Variants in KDM3A observed in about 807,000 individuals in gnomAD.
KDM3A encodes lysine-specific demethylase 3A.
A neutral mutation model predicts 158.0 loss-of-function variants in KDM3A; 60 were observed. The observed-to-expected ratio is 0.38, with a 90% CI of 0.31 to 0.47. KDM3A has a LOEUF of 0.47. Among genes scored for constraint, KDM3A ranks in the 20% least tolerant of loss-of-function variants. The probability of loss-of-function intolerance (pLI) is 0.99; values close to 1 mark genes in which losing one functional copy is unlikely to be tolerated. For missense variants in KDM3A, 1,319 were observed against 1,574.3 expected, an observed-to-expected ratio of 0.84 and a Z score of 2.74; for synonymous variants, 608 against 549.3, an observed-to-expected ratio of 1.11 and a Z score of -1.49.
In KDM3A at chr2:86,482,447, C is replaced by T. The variant is rs1673979420; in HGVS notation, c.2686-11C>T. 4.3e-6 allele frequency: 7 copies of T among 1,611,618 alleles called. No homozygotes were observed. The highest frequency in any genetic ancestry group is 5.1e-6 in the Non-Finnish European group (6 of 1,179,282). On this transcript the variant is annotated splice_polypyrimidine_tract_variant and intron_variant, in intron 17 of 25. Transcript: ENST00000312912. ...GACATATTTGAGACTTTTGTTCTTTCTCCAATTCAGACAGAAAATGGACTC... is the reference window on the plus strand; with the variant it reads ...GACATATTTGAGACTTTTGTTCTTTTTCCAATTCAGACAGAAAATGGACTC...
At chr2:86,456,612 A>G (rs1672710073) in intron 6 of KDM3A, 46 bp downstream of exon 6, 7 of 1,549,288 alleles carry the variant, frequency 4.5e-6, no homozygotes, top group East Asian at 4.5e-5. Context: ...ACAAAGCATG[A>G]TAACTATACA....
rs929738561 is a variant in KDM3A at position 86,491,281 on chromosome 2, A to G, written c.3885+6A>G. ...ATCACGAAGATAAATTACAGGTAAA[A>G]ATAGCACCAATTCCTAGCATTCTTT... On this transcript the variant is annotated splice_donor_region_variant and intron_variant, in intron 25 of 25. Transcript: ENST00000312912. 6.2e-7 allele frequency: 1 copy of G among 1,613,320 alleles called. No homozygotes were observed. The highest frequency in any genetic ancestry group is 8.5e-7 in the Non-Finnish European group (1 of 1,179,362).
At chr2:86,491,680 T>C (rs1674462961) in intron 25 of KDM3A, 1 of 304,614 alleles carries the variant, frequency 3.3e-6, no homozygotes, top group Admixed American at 4.6e-5. Flanking sequence ...GGGGGTGGTA[T>C]TTTCAAAAGG....
At chr2:86,463,375 T>C (rs1196012546) in intron 8 of KDM3A, among the ~76,000 whole-genome samples, 6 of 151,732 alleles carry the variant, frequency 4.0e-5, no homozygotes. Flanking sequence ...AAGTTTATTT[T>C]TGTGAATGGT....
chr2:86,465,817 C>CT (rs113409521), intron 9 of KDM3A, among the ~76,000 whole-genome samples: 35 of 151,534 alleles, frequency 2.3e-4, no homozygotes, highest in African/African-American at 8.2e-4. Flanking sequence ...TTGACCTTTA[C>CT]TAGAGGTTCA....
chr2:86,443,883 G>C (rs1463919774), intron 2 of KDM3A, among the ~76,000 whole-genome samples: 4 of 152,146 alleles, frequency 2.6e-5, no homozygotes, highest in African/African-American at 9.7e-5. Context: ...TTGTGTACTA[G>C]ATTTCAGTCG....
At chr2:86,484,840 A>G (rs1258690045) in intron 19 of KDM3A, 102 bp from the exon 20 acceptor site, 1 of 631,308 alleles carries the variant, frequency 1.6e-6, no homozygotes, top group Non-Finnish European at 2.8e-6. Context: ...TTGCAGAGAC[A>G]TATTTTATTT....
chr2:86,451,140 C>T lies in KDM3A; in HGVS notation c.380C>T (p.Ser127Phe). 6.2e-7 allele frequency: 1 copy of T among 1,611,662 alleles called. No homozygotes were observed. The highest frequency in any genetic ancestry group is 8.5e-7 in the Non-Finnish European group (1 of 1,179,216). The change falls in exon 4 of 26, where the codon TCC becomes TTC. Residue 127 changes from serine (S) to phenylalanine (F), a missense_variant. Ser to Phe is a radical substitution (Grantham distance 155, BLOSUM62 -2). Coordinates refer to ENST00000312912, the MANE Select transcript of KDM3A (RefSeq NM_018433.6). ...KPLLDKAGLG[S>F]ITSVRFLGDQ... is the part of the protein sequence containing the mutation. ...CTGTTGGACAAAGCTGGTTTGGGAT[C>T]CATAACTTCTGTTCGCTTTCTGGGA... is the stretch of plus-strand genomic sequence containing the variant.
intron 8 of KDM3A, among the ~76,000 whole-genome samples, chr2:86,461,283 T>C (rs1672919147): frequency 6.6e-6 from 1 of 152,190 alleles, no homozygotes. Context: ...ATTTCTCCTT[T>C]CTTCCCTCCT....
At chr2:86,486,624 A>G (rs1171962973) in intron 21 of KDM3A, among the ~76,000 whole-genome samples, 1 of 152,204 alleles carries the variant, frequency 6.6e-6, no homozygotes, top group African/African-American at 2.4e-5. Flanking sequence ...TTCCTGCCAT[A>G]ATTACTTCCA....
At chr2:86,471,846 A>G (rs1673427822) in intron 11 of KDM3A, among the ~76,000 whole-genome samples, 2 of 152,218 alleles carry the variant, frequency 1.3e-5, no homozygotes, top group Non-Finnish European at 2.9e-5. Flanking sequence ...ATATATTAAT[A>G]TATTCTGAAT....
intron 5 of KDM3A, 90 bp downstream of exon 5, chr2:86,455,277 A>T: frequency 1.4e-6 from 1 of 733,088 alleles, no homozygotes. Flanking sequence ...TCATTTGCTC[A>T]TGGAAATTTC....
intron 23 of KDM3A, chr2:86,490,420 A>G (rs1674398069): frequency 6.5e-6 from 1 of 153,716 alleles, no homozygotes; most frequent in South Asian, 2.0e-4. Flanking sequence ...CTTGGTCACC[A>G]TATTGTTCTT....
intron 4 of KDM3A, among the ~76,000 whole-genome samples, chr2:86,451,891 A>G (rs1172880683): frequency 1.3e-5 from 2 of 152,256 alleles, no homozygotes; most frequent in East Asian, 3.8e-4. Flanking sequence ...ACCGTTGTTT[A>G]TATACATATA....
At chr2:86,460,565 T>A (rs550947766) in intron 8 of KDM3A, among the ~76,000 whole-genome samples, 4 of 152,192 alleles carry the variant, frequency 2.6e-5, no homozygotes, top group Non-Finnish European at 5.9e-5. Flanking sequence ...TAGGCAAGAC[T>A]CTTGACTGTC....
At chr2:86,454,169 G>T (rs1007768810) in intron 4 of KDM3A, among the ~76,000 whole-genome samples, 74 of 152,308 alleles carry the variant, frequency 4.9e-4, no homozygotes, top group African/African-American at 1.7e-3. Context: ...TGTAATACTA[G>T]TTAGGTTAAA....
At position 86,456,986 on chromosome 2, in the gene KDM3A, A is replaced by AT; in HGVS notation, c.760dup (p.Ser254PhefsTer13). ...AACCTATTTTTAAATATTTTAGGTAATTCTGCAAGAATTGGAGCTGTAAAA... is the reference window on the plus strand; with the variant it reads ...AACCTATTTTTAAATATTTTAGGTAATTTCTGCAAGAATTGGAGCTGTAAAA... On this transcript the variant is annotated frameshift_variant, in exon 8 of 26. Coordinates refer to ENST00000312912, the MANE Select transcript of KDM3A (RefSeq NM_018433.6). LOFTEE classifies it high-confidence loss of function. The AT allele has an allele frequency of 1.9e-6, 3 of 1,600,490 alleles. No homozygotes were observed. Among genetic ancestry groups the AT allele is most frequent in the Non-Finnish European group, 2.6e-6 (3 of 1,171,802 alleles).
chr2:86,474,730 T>TGTGTAC (rs1378695784), intron 11 of KDM3A, 46 bp from the exon 12 acceptor site: 1 of 864,090 alleles, frequency 1.2e-6, no homozygotes, highest in Admixed American at 1.7e-5. Context: ...TGTGTGTGTG[T>TGTGTAC]GTGTGTGTGT....
Position 86,466,667 on chromosome 2 carries a change from G to A in KDM3A, c.1303G>A (p.Glu435Lys). The A allele has an allele frequency of 6.2e-7, 1 of 1,613,912 alleles. No homozygotes were observed. Among genetic ancestry groups the A allele is most frequent in the Non-Finnish European group, 8.5e-7 (1 of 1,179,864 alleles). ...AGAATTGGAAATTGCCAATCCTCCT[G>A]AACTGCAGAAGCACCTAGAACATGC... ...KAELEIANPP[E>K]LQKHLEHAPS... The change falls in exon 10 of 26, where the codon GAA (glutamate) becomes AAA (lysine). Residue 435 changes from glutamate to lysine, a missense_variant. Glu to Lys is a moderately conservative substitution (Grantham distance 56). Transcript: ENST00000312912.
Sources: gnomAD v4.1 joint callset for allele counts (sites outside exome capture counted in the v4.1 genomes callset) on GRCh38, gnomAD v4.1.1 for gene constraint, MANE v1.5 for transcripts, NCBI Gene and HGNC (gene_info 2026-07-23, HGNC 2026-07-21) for gene names.